DISC1: variants seen among roughly 807,000 people sequenced by gnomAD.
DISC1 encodes DISC1 scaffold protein, also known as disrupted in schizophrenia 1 protein.
Under a neutral mutation model 84.5 loss-of-function variants are expected in DISC1, and 57 were observed. The observed-to-expected ratio is 0.67, with a 90% CI of 0.55 to 0.84. The LOEUF is 0.84. DISC1 is among the 40% of genes least tolerant of loss of function. The pLI, the probability that DISC1 is intolerant of heterozygous loss-of-function variation, is 0.00. For synonymous variants in DISC1, 411 were observed against 415.2 expected (o/e 0.99, Z 0.12); for missense variants, 1,000 against 1,057.8 (o/e 0.95, Z 0.76).
chr1:231,980,486 C>T (rs1663438212), intron 10 of DISC1, among the ~76,000 whole-genome samples: 2 of 152,150 alleles, frequency 1.3e-5, no homozygotes, highest in South Asian at 4.1e-4. Context: ...TCCCCCAAAA[C>T]AAACAACAGT....
Position 231,800,155 on chromosome 1 carries a change from C to G in DISC1, c.1737C>G (p.Asn579Lys). ...KFCSTLRKKV[N>K]DIETQLPALL... ...GCAGCACCCTGAGGAAGAAAGTTAA[C>G]GATATTGAAACCCAACTACCAGCCT... Residue 579 changes from asparagine to lysine, a missense_variant, in exon 8 of 13, where the codon AAC (asparagine) becomes AAG (lysine). Asn to Lys is a moderately conservative substitution (Grantham distance 94). Coordinates refer to ENST00000439617, the MANE Select transcript of DISC1 (RefSeq NM_018662.3). 2 of 1,611,696 alleles carry G rather than the reference C, an allele frequency of 1.2e-6. No individual in the cohort carries two copies. The highest frequency in any genetic ancestry group is 1.7e-4 in the Middle Eastern group (1 of 6,060).
chr1:231,886,006 T>TTGC (rs2086654032), intron 9 of DISC1, among the ~76,000 whole-genome samples: 2 of 152,202 alleles, frequency 1.3e-5, no homozygotes, highest in African/African-American at 2.4e-5. Context: ...AGAAGGCCTC[T>TTGC]TGCTGCATCA....
chr1:231,858,939 G>T (rs2084448588), intron 9 of DISC1, among the ~76,000 whole-genome samples: 1 of 152,192 alleles, frequency 6.6e-6, no homozygotes, highest in South Asian at 2.1e-4. Flanking sequence ...GGAAAAGTCT[G>T]CAAAATCCAG....
intron 1 of DISC1, among the ~76,000 whole-genome samples, chr1:231,649,316 C>G (rs997435560): frequency 6.6e-6 from 1 of 152,070 alleles, no homozygotes; most frequent in African/African-American, 2.4e-5. Context: ...TGTTATTTAC[C>G]CAGTAGTCAT....
At chr1:231,667,294 G>A (rs998017063) in intron 1 of DISC1, among the ~76,000 whole-genome samples, 2 of 152,252 alleles carry the variant, frequency 1.3e-5, no homozygotes, top group African/African-American at 4.8e-5. Flanking sequence ...GAGCTTTACA[G>A]TCTGTCTGAC....
intron 3 of DISC1, chr1:231,702,644 A>C: frequency 2.1e-6 from 2 of 972,356 alleles, no homozygotes; most frequent in Non-Finnish European, 2.4e-6. Flanking sequence ...AAAACAAACA[A>C]ACAAAAAAAC....
At chr1:231,997,932 C>T (rs934109360) in intron 10 of DISC1, among the ~76,000 whole-genome samples, 4 of 152,002 alleles carry the variant, frequency 2.6e-5, no homozygotes, top group Non-Finnish European at 4.4e-5. Context: ...TAAAAAAGAA[C>T]GGTAATAAAT....
chr1:231,722,430 A>G, intron 3 of DISC1: 2 of 1,546,866 alleles, frequency 1.3e-6, no homozygotes, highest in South Asian at 2.3e-5. Context: ...CCACACTCGA[A>G]CAAGTGTGTC....
intron 9 of DISC1, among the ~76,000 whole-genome samples, chr1:231,895,422 G>A (rs900947114): frequency 1.4e-5 from 2 of 146,690 alleles, no homozygotes; most frequent in Admixed American, 1.4e-4. Flanking sequence ...TCATATATAT[G>A]TGTGTGTGTA....
At chr1:231,926,662 C>G (rs1027502682) in intron 9 of DISC1, among the ~76,000 whole-genome samples, 15 of 152,084 alleles carry the variant, frequency 9.9e-5, no homozygotes, top group Admixed American at 2.0e-4. Flanking sequence ...AATAGATCAG[C>G]CTGAAAGGGA....
chr1:231,687,527 T>C (rs914956275), intron 1 of DISC1, among the ~76,000 whole-genome samples: 1 of 152,128 alleles, frequency 6.6e-6, no homozygotes, highest in Non-Finnish European at 1.5e-5. Context: ...CCACACAACA[T>C]GGGAATTATA....
At chr1:231,993,560 T>A (rs1657382632) in intron 10 of DISC1, among the ~76,000 whole-genome samples, 1 of 152,168 alleles carries the variant, frequency 6.6e-6, no homozygotes, top group African/African-American at 2.4e-5. Context: ...AAATAACAAG[T>A]TTAAAAATGA....
At chr1:231,832,550 G>C (rs2082314773) in intron 9 of DISC1, among the ~76,000 whole-genome samples, 2 of 151,824 alleles carry the variant, frequency 1.3e-5, no homozygotes, top group Admixed American at 1.3e-4. Flanking sequence ...CTTGACTGAA[G>C]TAATGGGGGC....
chr1:231,924,997 TG>T (rs1277943902), intron 9 of DISC1, among the ~76,000 whole-genome samples: 1 of 151,024 alleles, frequency 6.6e-6, no homozygotes, highest in African/African-American at 2.4e-5. Flanking sequence ...TTCCAGTTAT[TG>T]ACCTAGCACC....
chr1:231,751,433 A>T (rs2074593270), intron 4 of DISC1, among the ~76,000 whole-genome samples: 1 of 152,240 alleles, frequency 6.6e-6, no homozygotes, highest in African/African-American at 2.4e-5. Flanking sequence ...ATTTTTGAAA[A>T]TTGTGGTAAA....
At position 231,758,887 on chromosome 1, in the gene DISC1, T is replaced by G. The variant is rs115877070; in HGVS notation, c.1269-8253T>G. ...ATATGTACGTGAAAACTGGTCCTAT[T>G]TGTAACCGAAATTGTGTGTGTGCAT... On this transcript the variant is annotated intron_variant, in intron 4 of 12. Coordinates refer to ENST00000439617, the MANE Select transcript of DISC1 (RefSeq NM_018662.3). Among the ~76,000 whole-genome samples the G allele has an allele frequency of 3.2e-3, 482 of 152,338 alleles. 3 individuals are homozygous for G. Among genetic ancestry groups the G allele is most frequent in the Non-Finnish European group, 5.2e-3 (355 of 68,030 alleles).
At chr1:231,806,501 G>A (rs968218489) in intron 8 of DISC1, among the ~76,000 whole-genome samples, 4 of 152,194 alleles carry the variant, frequency 2.6e-5, no homozygotes, top group African/African-American at 4.8e-5. Flanking sequence ...GTTAACCTGG[G>A]CCCTGGAGGT....
At chr1:231,773,672 C>T (rs1378694306) in intron 6 of DISC1, among the ~76,000 whole-genome samples, 1 of 152,330 alleles carries the variant, frequency 6.6e-6, no homozygotes, top group East Asian at 1.9e-4. Flanking sequence ...GCGTGAGCCA[C>T]TGCGCCCAGC....
Position 231,953,838 on chromosome 1 carries a change from C to T in DISC1, c.1982-4990C>T, listed in dbSNP as rs180996981. On this transcript the variant is annotated intron_variant, in intron 9 of 12. Transcript: ENST00000439617. ...AGGTGAGATCGTATCGTACTGATCC[C>T]GTCTGAGGATGCCTTCCTTATTAAT... 2.7e-3 allele frequency among the ~76,000 whole-genome samples: 418 copies of T among 152,226 alleles called. 1 individual carries two copies. The highest frequency in any genetic ancestry group is 3.8e-3 in the Non-Finnish European group (256 of 68,012).
Sources: gnomAD v4.1 joint callset for allele counts (sites outside exome capture counted in the v4.1 genomes callset) on GRCh38, gnomAD v4.1.1 for gene constraint, MANE v1.5 for transcripts, NCBI Gene and HGNC (gene_info 2026-07-23, HGNC 2026-07-21) for gene names.